The following SEC23A variants were observed in gnomAD, a reference collection of about 807,000 sequenced individuals.
The protein encoded by SEC23A is protein transport protein Sec23A.
Under a neutral mutation model 103.7 loss-of-function variants are expected in SEC23A, and 56 were observed. The observed-to-expected ratio is 0.54, with a 90% CI of 0.44 to 0.67. SEC23A has a LOEUF of 0.67. SEC23A is among the 30% of genes least tolerant of loss of function. The probability of loss-of-function intolerance (pLI) is 0.00; values close to 1 mark genes in which losing one functional copy is unlikely to be tolerated. For missense variants in SEC23A, 784 were observed against 936.4 expected, an observed-to-expected ratio of 0.84 and a Z score of 2.12; for synonymous variants, 281 against 293.0, an observed-to-expected ratio of 0.96 and a Z score of 0.42.
Position 39,091,473 on chromosome 14 carries a change from T to C in SEC23A, c.603+4A>G. On this transcript the variant is annotated splice_donor_region_variant and intron_variant, in intron 5 of 19. Transcript: ENST00000307712. ...AGGTAAAAACTACCATTCTTGTTGT[T>C]TACCTGCAGTTGTTTGGCAGACAAA... 6.2e-7 allele frequency: 1 copy of C among 1,605,856 alleles called. No homozygotes were observed. The highest frequency in any genetic ancestry group is 8.5e-7 in the Non-Finnish European group (1 of 1,172,574).
At chr14:39,052,111 A>T (rs1594445168) in intron 14 of SEC23A, among the ~76,000 whole-genome samples, 1 of 152,144 alleles carries the variant, frequency 6.6e-6, no homozygotes, top group East Asian at 1.9e-4. Context: ...ACTGATGAGA[A>T]CACATGGACA....
intron 11 of SEC23A, 159 bp downstream of exon 11, chr14:39,064,754 T>A (rs1886599107): frequency 4.5e-6 from 3 of 665,602 alleles, no homozygotes; most frequent in African/African-American, 1.8e-5. Flanking sequence ...TTTGGGGGGA[T>A]AACAGGAGGG....
At chr14:39,097,403 G>A (rs1004533252) in intron 1 of SEC23A, among the ~76,000 whole-genome samples, 5 of 152,176 alleles carry the variant, frequency 3.3e-5, no homozygotes, top group Non-Finnish European at 7.4e-5. Context: ...AACCTAGGGT[G>A]CCTGGAAAAC....
intron 14 of SEC23A, among the ~76,000 whole-genome samples, chr14:39,050,678 A>C (rs867929696): frequency 1.2e-4 from 19 of 152,150 alleles, no homozygotes; most frequent in African/African-American, 4.6e-4. Flanking sequence ...GGAAGCCGGG[A>C]GCAGTGGCAC....
chr14:39,063,216 G>T, intron 12 of SEC23A, 108 bp downstream of exon 12: 1 of 673,600 alleles, frequency 1.5e-6, no homozygotes, highest in Non-Finnish European at 2.7e-6. Context: ...AATAAATGTT[G>T]GGTTATATCT....
At chr14:39,097,115 T>A (rs1327714695) in intron 1 of SEC23A, among the ~76,000 whole-genome samples, 1 of 152,214 alleles carries the variant, frequency 6.6e-6, no homozygotes, top group Non-Finnish European at 1.5e-5. Flanking sequence ...ATTTGAGATA[T>A]AAAATTTCAG....
rs182164762 is a variant in SEC23A at position 39,043,359 on chromosome 14, T to C, written c.1900-487A>G. The stretch of plus-strand genomic sequence containing the variant: ...GCTATTATGAATTCTTATAGTGTAT[T>C]TTAATTTTTTAAGGAATCCCTTTAA... On this transcript the variant is annotated intron_variant, in intron 16 of 19. Coordinates refer to ENST00000307712, the MANE Select transcript of SEC23A (RefSeq NM_006364.4). Among the ~76,000 whole-genome samples, 722 of 152,280 alleles carry C rather than the reference T, an allele frequency of 4.7e-3. 3 individuals carry two copies. The highest frequency in any genetic ancestry group is 0.031 in the Middle Eastern group (9 of 294).
chr14:39,051,225 G>C (rs1219092341), intron 14 of SEC23A, among the ~76,000 whole-genome samples: 2 of 151,930 alleles, frequency 1.3e-5, no homozygotes, highest in Admixed American at 1.3e-4. Flanking sequence ...CATTTTTTGT[G>C]TACTGTTTTG....
intron 2 of SEC23A, among the ~76,000 whole-genome samples, chr14:39,094,440 ATAT>A (rs1566515395): frequency 6.1e-4 from 8 of 13,080 alleles, no homozygotes; most frequent in African/African-American, 2.1e-3. Context: ...ATATATATAT[ATAT>A]TTTTTTTTTT....
chr14:39,077,436 G>C (rs1310973278), intron 7 of SEC23A, among the ~76,000 whole-genome samples: 2 of 151,742 alleles, frequency 1.3e-5, no homozygotes, highest in African/African-American at 4.8e-5. Flanking sequence ...CCAGCTACTT[G>C]GGAGGCAGAG....
chr14:39,065,406 TA>T (rs11396835), intron 10 of SEC23A, among the ~76,000 whole-genome samples: 77 of 146,770 alleles, frequency 5.2e-4, no homozygotes, highest in Non-Finnish European at 4.5e-4. Context: ...ACCTTCTGTC[TA>T]AAAAAAAAAA....
chr14:39,041,632 A>C (rs1885650362), intron 17 of SEC23A, among the ~76,000 whole-genome samples: 1 of 151,938 alleles, frequency 6.6e-6, no homozygotes, highest in African/African-American at 2.4e-5. Flanking sequence ...CACTTCGGGA[A>C]GCCAACACGG....
At chr14:39,066,882 A>G (rs879393630) in intron 10 of SEC23A, among the ~76,000 whole-genome samples, 4 of 152,156 alleles carry the variant, frequency 2.6e-5, no homozygotes, top group Non-Finnish European at 4.4e-5. Context: ...AAGATAAAAC[A>G]TACTTTAAAG....
intron 14 of SEC23A, 34 bp from the exon 15 acceptor site, chr14:39,048,763 C>T: frequency 8.3e-7 from 1 of 1,201,682 alleles, no homozygotes; most frequent in Non-Finnish European, 1.2e-6. Flanking sequence ...TAATTTATTT[C>T]CTGGAATAAA....
intron 7 of SEC23A, among the ~76,000 whole-genome samples, chr14:39,079,725 G>A (rs1301170344): frequency 6.6e-6 from 1 of 152,028 alleles, no homozygotes; most frequent in East Asian, 1.9e-4. Flanking sequence ...GGGAGGCTGA[G>A]GCAGGAGAAT....
intron 7 of SEC23A, among the ~76,000 whole-genome samples, chr14:39,077,375 C>T (rs1212136782): frequency 6.6e-6 from 1 of 151,484 alleles, no homozygotes; most frequent in African/African-American, 2.4e-5. Flanking sequence ...AAACCCATCT[C>T]TACTAAAAAT....
chr14:39,061,084 A>G (rs1886456316), intron 13 of SEC23A, among the ~76,000 whole-genome samples: 1 of 152,206 alleles, frequency 6.6e-6, no homozygotes. Context: ...TATTAATCTA[A>G]TAATATAAAA....
chr14:39,061,699 C>G (rs1045846969), intron 13 of SEC23A, 66 bp downstream of exon 13: 6 of 1,059,290 alleles, frequency 5.7e-6, no homozygotes, highest in Non-Finnish European at 8.9e-6. Context: ...AAATAGGAAT[C>G]CAGTTTGGAA....
chr14:39,091,247 G>T, intron 5 of SEC23A: 1 of 542,922 alleles, frequency 1.8e-6, no homozygotes. Context: ...CTGTTGGTTT[G>T]ACTTTAAATT....
Sources: gnomAD v4.1 joint callset for allele counts (sites outside exome capture counted in the v4.1 genomes callset) on GRCh38, gnomAD v4.1.1 for gene constraint, MANE v1.5 for transcripts, NCBI Gene and HGNC (gene_info 2026-07-23, HGNC 2026-07-21) for gene names.